DCDC1: variants seen among roughly 807,000 people sequenced by gnomAD.
The protein encoded by DCDC1 is doublecortin domain containing 1.
Under a neutral mutation model 178.3 loss-of-function variants are expected in DCDC1, and 200 were observed. That is an observed-to-expected ratio of 1.12 (90% CI 1.00 to 1.26). The LOEUF (loss-of-function observed/expected upper bound fraction) is 1.26, where lower values mean the gene tolerates loss of function less well. Ranked by LOEUF, DCDC1 falls within the 50% of genes most tolerant of loss-of-function variation. DCDC1 has a pLI of 0.00. For missense variants in DCDC1, 1,983 were observed against 1,749.2 expected (o/e 1.13, Z -2.38); for synonymous variants, 690 against 604.8 (o/e 1.14, Z -2.07).
chr11:31,250,433 T>C (rs1455188554), intron 8 of DCDC1, among the ~76,000 whole-genome samples: 2 of 125,754 alleles, frequency 1.6e-5, no homozygotes, highest in Non-Finnish European at 3.4e-5. Flanking sequence ...TATATATGTA[T>C]ATATATATAT....
intron 9 of DCDC1, among the ~76,000 whole-genome samples, chr11:31,225,627 TATAAA>T (rs1240655166): frequency 6.7e-6 from 1 of 150,062 alleles, no homozygotes; most frequent in Non-Finnish European, 1.5e-5. Flanking sequence ...ATATATATAA[TATAAA>T]ATATGACTGG....
intron 20 of DCDC1, among the ~76,000 whole-genome samples, chr11:30,962,998 T>C (rs1949198818): frequency 6.6e-6 from 1 of 152,136 alleles, no homozygotes; most frequent in South Asian, 2.1e-4. Context: ...CCTGGAGTTC[T>C]TGAATCTGTT....
chr11:30,977,998 G>A (rs1174675401), intron 20 of DCDC1, among the ~76,000 whole-genome samples: 2 of 152,210 alleles, frequency 1.3e-5, no homozygotes, highest in African/African-American at 2.4e-5. Context: ...AGTGATTGAT[G>A]TATATTGCCA....
chr11:30,893,010 G>T lies in DCDC1; in HGVS notation c.4903-13C>A. On this transcript the variant is annotated splice_polypyrimidine_tract_variant and intron_variant, in intron 35 of 38. Coordinates refer to ENST00000684477, the MANE Select transcript of DCDC1 (RefSeq NM_001387274.1). ...CAGAAAGGTGTGCCTGTCAAGAAAA[G>T]CCCAGAGAATGTTGTGTTTAGAGAA... The T allele has an allele frequency of 4.3e-6, 7 of 1,613,078 alleles. No individual in the cohort carries two copies. The highest frequency in any genetic ancestry group is 5.9e-6 in the Non-Finnish European group (7 of 1,179,554).
At chr11:31,330,346 T>C (rs909340722) in intron 2 of DCDC1, among the ~76,000 whole-genome samples, 33 of 152,212 alleles carry the variant, frequency 2.2e-4, no homozygotes, top group African/African-American at 7.5e-4. Context: ...ATTCTGTAGG[T>C]TGCCTCTTCA....
chr11:31,083,447 G>T lies in DCDC1; in HGVS notation c.2238-5522C>A, dbSNP rs143263177. On this transcript the variant is annotated intron_variant, in intron 17 of 38. Coordinates refer to ENST00000684477, the MANE Select transcript of DCDC1 (RefSeq NM_001387274.1). ...TCAAAAGCTTTTATGGGCCAGACAG[G>T]TATTAGAAATTCATGAAGCAGTGAG... 1.6e-3 allele frequency among the ~76,000 whole-genome samples: 246 copies of T among 152,248 alleles called. 2 individuals carry two copies. Among genetic ancestry groups the T allele is most frequent in the African/African-American group, 5.7e-3 (236 of 41,556 alleles).
chr11:31,087,585 C>T (rs1483659793), intron 17 of DCDC1, among the ~76,000 whole-genome samples: 2 of 151,868 alleles, frequency 1.3e-5, no homozygotes, highest in Non-Finnish European at 2.9e-5. Context: ...ATTTTGATGC[C>T]TTCTTTGATT....
intron 3 of DCDC1, among the ~76,000 whole-genome samples, chr11:31,312,148 G>A (rs1948808122): frequency 1.3e-5 from 2 of 152,046 alleles, no homozygotes; most frequent in South Asian, 2.1e-4. Flanking sequence ...GTCCTTACTT[G>A]CCCAATTATA....
chr11:31,304,797 A>C (rs1490593554), intron 6 of DCDC1, among the ~76,000 whole-genome samples: 2 of 152,154 alleles, frequency 1.3e-5, no homozygotes, highest in Non-Finnish European at 2.9e-5. Context: ...AAAGTACAGC[A>C]GTTAGACACA....
At chr11:31,293,447 G>A (rs1485930024) in intron 6 of DCDC1, among the ~76,000 whole-genome samples, 1 of 152,122 alleles carries the variant, frequency 6.6e-6, no homozygotes, top group African/African-American at 2.4e-5. Flanking sequence ...GGTTTTCCAA[G>A]GCCAGGACTA....
intron 27 of DCDC1, among the ~76,000 whole-genome samples, chr11:30,912,391 C>A (rs1945504631): frequency 6.6e-6 from 1 of 151,888 alleles, no homozygotes; most frequent in Non-Finnish European, 1.5e-5. Context: ...TCAAACGATT[C>A]TTCTGCCTCA....
intron 38 of DCDC1, among the ~76,000 whole-genome samples, chr11:30,877,627 G>A (rs34500272): frequency 0.011 from 1,664 of 152,160 alleles, 14 homozygotes; most frequent in Non-Finnish European, 0.017. Flanking sequence ...GCACATATTG[G>A]GAATTGCCAA....
At chr11:31,337,703 A>C (rs1312633332) in intron 1 of DCDC1, among the ~76,000 whole-genome samples, 1 of 152,098 alleles carries the variant, frequency 6.6e-6, no homozygotes, top group Non-Finnish European at 1.5e-5. Flanking sequence ...CTAGCTGTCA[A>C]AGATCAGATT....
rs1946316622 is a variant in DCDC1, at chr11:30,922,544, A to G, written c.3092T>C (p.Ile1031Thr). ...QIFLRNLESD[I>T]AKIQIFCSTH... ...GCTGCAGAAGATTTGAATTTTGGCA[A>G]TGTCTGATTCTAGGTTCCTCAGGAA... Residue 1031 changes from isoleucine to threonine, a missense_variant, in exon 24 of 39, where the codon ATT becomes ACT. Physicochemically the swap from Ile to Thr is moderately conservative, Grantham distance 89. Transcript: ENST00000684477. 2 of 1,581,330 alleles carry G rather than the reference A, an allele frequency of 1.3e-6. No individual in the cohort carries two copies. Among genetic ancestry groups the G allele is most frequent in the Non-Finnish European group, 1.7e-6 (2 of 1,168,484 alleles).
At chr11:30,903,094 C>T (rs1944814793) in intron 32 of DCDC1, among the ~76,000 whole-genome samples, 1 of 151,990 alleles carries the variant, frequency 6.6e-6, no homozygotes, top group Non-Finnish European at 1.5e-5. Flanking sequence ...TCCATTGACC[C>T]AGCCCCAATT....
At position 31,369,678 on chromosome 11, in the gene DCDC1, TC is replaced by T. The variant is rs1952176151; in HGVS notation, c.-125+18del. 6.6e-6 allele frequency: 1 copy of T among 152,632 alleles called. No individual in the cohort carries two copies. The highest frequency in any genetic ancestry group is 2.4e-5 in the African/African-American group (1 of 41,424). 9.5% of individuals were successfully genotyped at this position (152,632 alleles called of 1,614,324 possible). A position where few individuals can be genotyped will look rare whatever the true frequency, so the allele number is the denominator to read the frequency against. ...AGAGCGAAGCCAAAGGCGCCTTTCT[TC>T]ACAGTTTGGGAACTTACTGGTAGTA... On this transcript the variant is annotated intron_variant, in intron 1 of 38. Coordinates refer to ENST00000684477, the MANE Select transcript of DCDC1 (RefSeq NM_001387274.1).
At chr11:30,888,536 G>A (rs1943510018) in intron 36 of DCDC1, among the ~76,000 whole-genome samples, 1 of 152,106 alleles carries the variant, frequency 6.6e-6, no homozygotes, top group Admixed American at 6.6e-5. Context: ...TGACCAACAT[G>A]GAGAAACCCC....
chr11:31,297,041 T>A (rs1156464795), intron 6 of DCDC1, among the ~76,000 whole-genome samples: 1 of 152,174 alleles, frequency 6.6e-6, no homozygotes, highest in Non-Finnish European at 1.5e-5. Flanking sequence ...TCTGAGGACA[T>A]ATGTTTTCAT....
At position 31,213,100 on chromosome 11, in the gene DCDC1, CCTCTCTCTCTCTCTCTCTCTCT is replaced by C. The variant is rs71060480; in HGVS notation, c.1221+28328_1221+28349del. Among the ~76,000 whole-genome samples the C allele has an allele frequency of 4.3e-3, 189 of 44,274 alleles. 2 individuals carry two copies. The highest frequency in any genetic ancestry group is 7.9e-3 in the African/African-American group (94 of 11,844). The allele number at this position is 44,274 out of a possible 152,430, so 29.0% of individuals were successfully genotyped here. ...GTGTCATCTTCTATATAAAGCCCAGCCTCTCTCTCTCTCTCTCTCTCTCTCTCTCTCTCTCTCTCTCTCTCTC... is the reference window on the plus strand; with the variant it reads ...GTGTCATCTTCTATATAAAGCCCAGCCTCTCTCTCTCTCTCTCTCTCTCTC... On this transcript the variant is annotated intron_variant, in intron 9 of 38. Transcript: ENST00000684477.
Sources: allele counts gnomAD v4.1 joint callset (sites outside exome capture counted in the v4.1 genomes callset), GRCh38; gene constraint gnomAD v4.1.1; transcripts MANE v1.5; gene names NCBI Gene and HGNC (gene_info 2026-07-23, HGNC 2026-07-21).